The following MCTP1 variants were observed in gnomAD, a reference collection of about 807,000 sequenced individuals.
MCTP1 encodes the protein multiple C2 and transmembrane domain-containing protein 1.
In MCTP1, 69 loss-of-function variants were observed where a neutral mutation model predicts 120.6. The observed-to-expected ratio is 0.57, with a 90% CI of 0.47 to 0.70. The LOEUF is 0.70. Ranked by LOEUF, MCTP1 falls within the 30% of genes least tolerant of loss-of-function variation. MCTP1 has a pLI of 0.00. For synonymous variants in MCTP1, 529 were observed against 493.1 expected (o/e 1.07, Z -0.96); for missense variants, 1,203 against 1,248.8 (o/e 0.96, Z 0.55).
chr5:95,226,282 T>C (rs1754256576), intron 1 of MCTP1, among the ~76,000 whole-genome samples: 1 of 152,224 alleles, frequency 6.6e-6, no homozygotes, highest in South Asian at 2.1e-4. Context: ...GTTGTATATA[T>C]TTAAATAGAG....
rs12522556 is a variant in MCTP1, at chr5:95,124,967, A to C, written c.721-107483T>G. 4.3e-3 allele frequency among the ~76,000 whole-genome samples: 653 copies of C among 152,348 alleles called. 20 individuals are homozygous for C. The highest frequency in any genetic ancestry group is 0.036 in the Admixed American group (549 of 15,304). On this transcript the variant is annotated intron_variant, in intron 1 of 22. Coordinates refer to ENST00000515393, the MANE Select transcript of MCTP1 (RefSeq NM_024717.7). ...TTCACCTAGAACAGGTTATAGCTAAATCATAACATCTCTTTGAAGATCCTT... is the reference window on the plus strand; with the variant it reads ...TTCACCTAGAACAGGTTATAGCTAACTCATAACATCTCTTTGAAGATCCTT...
chr5:94,752,108 AATATATATATATATATATATAT>A (rs146434254), intron 19 of MCTP1, among the ~76,000 whole-genome samples: 4,297 of 75,812 alleles, frequency 0.057, 385 homozygotes, highest in Middle Eastern at 0.13. Flanking sequence ...TAAATAATAA[AATATATATATATATATATATAT>A]ATATATATAT....
At chr5:94,839,262 A>G (rs1007541329) in intron 17 of MCTP1, among the ~76,000 whole-genome samples, 7 of 152,178 alleles carry the variant, frequency 4.6e-5, no homozygotes, top group African/African-American at 9.7e-5. Context: ...AGTTGAAGCT[A>G]TCTCCACTGA....
Position 94,705,706 on chromosome 5 carries a change from T to C in MCTP1, c.*1790A>G, listed in dbSNP as rs975668493. ...TGTAGAATATCAGGCTTATAGACAT[T>C]TGAGTACACATTGTCAGCACAGAAC... On this transcript the variant is annotated 3_prime_UTR_variant, in exon 23 of 23. Coordinates refer to ENST00000515393, the MANE Select transcript of MCTP1 (RefSeq NM_024717.7). 6.6e-5 allele frequency: 10 copies of C among 151,622 alleles called. No individual in the cohort carries two copies. Among genetic ancestry groups the C allele is most frequent in the Non-Finnish European group, 1.5e-5 (1 of 67,714 alleles). 9.4% of individuals were successfully genotyped at this position (151,622 alleles called of 1,614,324 possible).
chr5:94,737,782 T>A (rs1324071018), intron 19 of MCTP1, among the ~76,000 whole-genome samples: 3 of 152,194 alleles, frequency 2.0e-5, no homozygotes, highest in Non-Finnish European at 4.4e-5. Context: ...CTCAAGTGAT[T>A]CTCCTGCTTC....
At chr5:95,216,544 G>C (rs909327767) in intron 1 of MCTP1, among the ~76,000 whole-genome samples, 3 of 152,130 alleles carry the variant, frequency 2.0e-5, no homozygotes, top group Non-Finnish European at 2.9e-5. Flanking sequence ...TGCTGGGATG[G>C]CTCTACACAA....
intron 4 of MCTP1, among the ~76,000 whole-genome samples, chr5:94,941,467 G>A (rs1034728194): frequency 2.0e-5 from 3 of 151,984 alleles, no homozygotes; most frequent in Non-Finnish European, 4.4e-5. Context: ...GCATAAGTGA[G>A]TTCTACACTT....
At chr5:95,175,222 T>G (rs1318458945) in intron 1 of MCTP1, among the ~76,000 whole-genome samples, 1 of 152,234 alleles carries the variant, frequency 6.6e-6, no homozygotes, top group African/African-American at 2.4e-5. Flanking sequence ...ATACAAGCAC[T>G]TGGCTATGTC....
chr5:94,813,617 A>G (rs1783887968), intron 17 of MCTP1, among the ~76,000 whole-genome samples: 1 of 152,172 alleles, frequency 6.6e-6, no homozygotes, highest in African/African-American at 2.4e-5. Flanking sequence ...AATACTATTC[A>G]GTAATAAAAA....
chr5:95,068,897 G>A, intron 1 of MCTP1: 1 of 850,450 alleles, frequency 1.2e-6, no homozygotes, highest in East Asian at 8.6e-5. Flanking sequence ...ATCAATAGTA[G>A]TTTTTTATAG....
chr5:95,095,898 C>A (rs946235514), intron 1 of MCTP1, among the ~76,000 whole-genome samples: 5 of 151,956 alleles, frequency 3.3e-5, no homozygotes, highest in Non-Finnish European at 7.4e-5. Context: ...AGGGGAGGCC[C>A]AGAAGGCAGT....
chr5:95,113,403 G>A (rs555764028), intron 1 of MCTP1, among the ~76,000 whole-genome samples: 3 of 152,074 alleles, frequency 2.0e-5, no homozygotes, highest in African/African-American at 7.2e-5. Flanking sequence ...GTCTTGAATT[G>A]CTGACACCAC....
chr5:94,820,694 C>T (rs1389747188), intron 17 of MCTP1, among the ~76,000 whole-genome samples: 1 of 152,216 alleles, frequency 6.6e-6, no homozygotes, highest in Non-Finnish European at 1.5e-5. Context: ...ACTCCAAGTA[C>T]TTGTCAAAAG....
At chr5:94,937,067 CAGAG>C (rs1409214057) in intron 5 of MCTP1, among the ~76,000 whole-genome samples, 1 of 152,052 alleles carries the variant, frequency 6.6e-6, no homozygotes, top group African/African-American at 2.4e-5. Flanking sequence ...GTTCACCAGC[CAGAG>C]GCTGGCTCTG....
intron 1 of MCTP1, among the ~76,000 whole-genome samples, chr5:95,221,346 C>T (rs925920474): frequency 1.3e-5 from 2 of 152,200 alleles, no homozygotes; most frequent in African/African-American, 4.8e-5. Flanking sequence ...TCATCCTAAG[C>T]ATTTTCATAA....
chr5:95,029,443 T>C (rs997572019), intron 1 of MCTP1, among the ~76,000 whole-genome samples: 2 of 152,208 alleles, frequency 1.3e-5, no homozygotes, highest in Non-Finnish European at 2.9e-5. Context: ...TGGATGCTAG[T>C]TCTCCTCAGA....
At chr5:95,278,543 G>T (rs1479994299) in intron 1 of MCTP1, among the ~76,000 whole-genome samples, 3 of 152,114 alleles carry the variant, frequency 2.0e-5, no homozygotes, top group Non-Finnish European at 4.4e-5. Flanking sequence ...TGCAAATAAT[G>T]ACCCTCAGTT....
At chr5:94,837,195 T>C (rs952207584) in intron 17 of MCTP1, among the ~76,000 whole-genome samples, 4 of 151,954 alleles carry the variant, frequency 2.6e-5, no homozygotes, top group Middle Eastern at 3.2e-3. Context: ...CTGGGAAACA[T>C]AGCAAGACCT....
chr5:95,069,445 A>ATTT (rs35164631), intron 1 of MCTP1, among the ~76,000 whole-genome samples: 3 of 146,626 alleles, frequency 2.0e-5, no homozygotes, highest in Non-Finnish European at 3.0e-5. Flanking sequence ...GGAGCATAGC[A>ATTT]TTTTTTTTTT....
Sources: allele counts gnomAD v4.1 joint callset (sites outside exome capture counted in the v4.1 genomes callset), GRCh38; gene constraint gnomAD v4.1.1; transcripts MANE v1.5; gene names NCBI Gene and HGNC (gene_info 2026-07-23, HGNC 2026-07-21).